Variants in NCAM1 observed in about 807,000 individuals in gnomAD.
NCAM1 encodes the protein neural cell adhesion molecule 1, also known as antigen recognized by monoclonal antibody 5.1H11.
In NCAM1, 14 loss-of-function variants were observed where a neutral mutation model predicts 109.8. The observed-to-expected ratio is 0.13, with a 90% CI of 0.08 to 0.20. The LOEUF is 0.20. NCAM1 is among the 10% of genes least tolerant of loss of function. The pLI, the probability that NCAM1 is intolerant of heterozygous loss-of-function variation, is 1.00. For missense variants in NCAM1, 774 were observed against 1,109.9 expected (o/e 0.70, Z 4.30); for synonymous variants, 418 against 442.9 (o/e 0.94, Z 0.70).
chr11:113,043,905 T>C (rs555242837), intron 1 of NCAM1, among the ~76,000 whole-genome samples: 15 of 152,154 alleles, frequency 9.9e-5, no homozygotes, highest in African/African-American at 3.1e-4. Flanking sequence ...CAAGTGTTTG[T>C]TGGAATGTAA....
At chr11:113,181,503 C>T (rs1943328480) in intron 1 of NCAM1, among the ~76,000 whole-genome samples, 1 of 152,150 alleles carries the variant, frequency 6.6e-6, no homozygotes, top group Non-Finnish European at 1.5e-5. Context: ...GAACAACACA[C>T]ACTGGGGCCT....
At chr11:113,197,478 G>A in intron 1 of NCAM1, among the ~76,000 whole-genome samples, 1 of 152,234 alleles carries the variant, frequency 6.6e-6, no homozygotes, top group African/African-American at 2.4e-5. Context: ...AAAAGTCCAT[G>A]GTCATTATTA....
chr11:113,150,318 A>G (rs1942179573), intron 1 of NCAM1, among the ~76,000 whole-genome samples: 1 of 152,158 alleles, frequency 6.6e-6, no homozygotes, highest in Non-Finnish European at 1.5e-5. Context: ...TGATTAATTT[A>G]TTTGTCTGAG....
At chr11:113,188,491 G>C (rs543805294) in intron 1 of NCAM1, among the ~76,000 whole-genome samples, 1 of 152,276 alleles carries the variant, frequency 6.6e-6, no homozygotes, top group South Asian at 2.1e-4. Flanking sequence ...ACTGAAACTT[G>C]AATCTCTCAG....
Position 113,028,773 on chromosome 11 carries a change from G to A in NCAM1, c.52+67109G>A, listed in dbSNP as rs566485600. Among the ~76,000 whole-genome samples, 207 of 152,050 alleles carry A rather than the reference G, an allele frequency of 1.4e-3. 1 individual carries two copies. Among genetic ancestry groups the A allele is most frequent in the Middle Eastern group, 3.4e-3 (1 of 294 alleles). ...ATTTGGTTTTTACTTTATAAATATC[G>A]GCTTAAGTAAAATAGCATAACAGTT... On this transcript the variant is annotated intron_variant, in intron 1 of 19. Transcript: ENST00000316851.
intron 15 of NCAM1, among the ~76,000 whole-genome samples, chr11:113,252,437 A>G (rs1220895886): frequency 6.6e-6 from 1 of 151,248 alleles, no homozygotes; most frequent in Non-Finnish European, 1.5e-5. Flanking sequence ...CATAGGAAGC[A>G]TTATGTATCC....
chr11:113,179,134 C>T (rs1555107550), intron 1 of NCAM1, among the ~76,000 whole-genome samples: 1 of 152,192 alleles, frequency 6.6e-6, no homozygotes, highest in South Asian at 2.1e-4. Context: ...AGGACTCCCC[C>T]ACCACCAAAA....
chr11:113,172,764 A>AT (rs1367841390), intron 1 of NCAM1, among the ~76,000 whole-genome samples: 11 of 151,250 alleles, frequency 7.3e-5, no homozygotes, highest in African/African-American at 2.4e-4. Flanking sequence ...GTCTTTTTTT[A>AT]TTTTTTTTCC....
chr11:113,149,416 G>A (rs1244094803), intron 1 of NCAM1, among the ~76,000 whole-genome samples: 1 of 152,148 alleles, frequency 6.6e-6, no homozygotes, highest in Non-Finnish European at 1.5e-5. Context: ...ATCCAAATAA[G>A]GGAAGATAAC....
At chr11:113,235,642 T>C (rs1945143378) in intron 14 of NCAM1, among the ~76,000 whole-genome samples, 1 of 152,176 alleles carries the variant, frequency 6.6e-6, no homozygotes, top group South Asian at 2.1e-4. Context: ...CTATAGAATA[T>C]GTGAGCAGCA....
chr11:113,072,813 AT>A (rs1469984365), intron 1 of NCAM1, among the ~76,000 whole-genome samples: 1 of 82,904 alleles, frequency 1.2e-5, no homozygotes, highest in African/African-American at 4.7e-5. Flanking sequence ...AGTATTTTAC[AT>A]TGTTTTTTAT....
rs555177128 is a variant in NCAM1, at chr11:113,250,633, A to G, written c.1828+4263A>G. 5.2e-5 allele frequency among the ~76,000 whole-genome samples: 8 copies of G among 152,384 alleles called. No individual in the cohort carries two copies. In the East Asian group the frequency reaches 1.3e-3, roughly 26 times the overall value. On this transcript the variant is annotated intron_variant, in intron 15 of 19. Transcript: ENST00000316851. ...AGGAGTTATGATAAACAAAATGAAC[A>G]GTATTTTTAAAACTAGACAGTCTTA...
intron 1 of NCAM1, among the ~76,000 whole-genome samples, chr11:113,024,332 C>T (rs1398409604): frequency 1.3e-5 from 2 of 152,170 alleles, no homozygotes; most frequent in African/African-American, 4.8e-5. Context: ...CATTCCATAT[C>T]CAGTCATACA....
rs1044903374 is a variant in NCAM1 at position 113,237,807 on chromosome 11, C to T, written c.1825+2643C>T. Among the ~76,000 whole-genome samples, 19 of 151,254 alleles carry T rather than the reference C, an allele frequency of 1.3e-4. No individual in the cohort carries two copies. The South Asian group carries it at 1.7e-3, about 13-fold the overall frequency. ...TAACTGGGTCTTGGACTTCAAAGGC[C>T]GCAGTGGTTTTCATTCATTGCCAGC... is the stretch of plus-strand genomic sequence containing the variant. On this transcript the variant is annotated intron_variant, in intron 14 of 19. Coordinates refer to ENST00000316851, the MANE Select transcript of NCAM1 (RefSeq NM_181351.5).
chr11:112,992,089 T>G (rs1303244457), intron 1 of NCAM1, among the ~76,000 whole-genome samples: 19 of 152,282 alleles, frequency 1.2e-4, no homozygotes, highest in African/African-American at 4.6e-4. Flanking sequence ...GAGAGGAGAC[T>G]GTAGAGGATG....
intron 1 of NCAM1, among the ~76,000 whole-genome samples, chr11:112,973,331 G>A (rs1425377666): frequency 6.6e-6 from 1 of 152,064 alleles, no homozygotes; most frequent in Non-Finnish European, 1.5e-5. Context: ...ATGAGAATTG[G>A]ACTTACAGTA....
chr11:113,062,428 T>C (rs1016030500), intron 1 of NCAM1, among the ~76,000 whole-genome samples: 1 of 152,176 alleles, frequency 6.6e-6, no homozygotes, highest in Non-Finnish European at 1.5e-5. Flanking sequence ...GCCCGTGATG[T>C]TCTGGGCGCT....
chr11:113,062,601 G>A (rs947680635), intron 1 of NCAM1, among the ~76,000 whole-genome samples: 3 of 151,596 alleles, frequency 2.0e-5, no homozygotes, highest in East Asian at 1.9e-4. Flanking sequence ...AGTAAAATAT[G>A]AGAGTGAAGA....
intron 1 of NCAM1, among the ~76,000 whole-genome samples, chr11:113,122,424 G>A (rs1474028444): frequency 6.6e-6 from 1 of 152,142 alleles, no homozygotes; most frequent in Non-Finnish European, 1.5e-5. Flanking sequence ...CTGACACATG[G>A]TGGATCCTCA....
Sources: allele counts gnomAD v4.1 joint callset (sites outside exome capture counted in the v4.1 genomes callset), GRCh38; gene constraint gnomAD v4.1.1; transcripts MANE v1.5; gene names NCBI Gene and HGNC (gene_info 2026-07-23, HGNC 2026-07-21).